PIGV: variants seen among roughly 807,000 people sequenced by gnomAD.
PIGV encodes GPI alpha-1,6-mannosyltransferase 2.
In PIGV, 27 loss-of-function variants were observed where a neutral mutation model predicts 39.2. The observed-to-expected ratio is 0.69, with a 90% CI of 0.51 to 0.95. The LOEUF (loss-of-function observed/expected upper bound fraction) is 0.95. Among genes scored for constraint, PIGV ranks in the 40% least tolerant of loss-of-function variants. PIGV has a pLI of 0.00. For synonymous variants in PIGV, 232 were observed against 241.7 expected (o/e 0.96, Z 0.37); for missense variants, 523 against 586.4 (o/e 0.89, Z 1.12).
chr1:26,788,090 A>T lies in PIGV; in HGVS notation c.-236A>T, dbSNP rs1159527504. 6.6e-6 allele frequency: 1 copy of T among 152,254 alleles called. No homozygotes were observed. The highest frequency in any genetic ancestry group is 1.5e-5 in the Non-Finnish European group (1 of 68,086). 9.4% of individuals were successfully genotyped at this position (152,254 alleles called of 1,614,324 possible). ...GGCGGGAGGGAAGCTGTCAAATGGA[A>T]GCCGGTAGAAATGAGACAGACGCCC... On this transcript the variant is annotated 5_prime_UTR_variant, in exon 1 of 4. In the 5' UTR this introduces an upstream ATG that the reference lacks. Transcript: ENST00000674202.
At position 26,799,964 on chromosome 1, in the gene PIGV, G is replaced by A. The variant is rs187381435; in HGVS notation, c.*2120G>A. 1.6e-4 allele frequency among the ~76,000 whole-genome samples: 25 copies of A among 152,126 alleles called. No homozygotes were observed. Among genetic ancestry groups the A allele is most frequent in the Non-Finnish European group, 3.2e-4 (22 of 68,020 alleles). On this transcript the variant is annotated 3_prime_UTR_variant, in exon 4 of 4. Transcript: ENST00000674202. The stretch of plus-strand genomic sequence containing the variant: ...CCGAGGTAGGAGCACTGGGTTCTTC[G>A]CTCTCCTCTTTGCCTCCTTTTGGGG...
rs1425360687 is a variant in PIGV, at chr1:26,800,267, CTCTT to C, written c.*2425_*2428del. Among the ~76,000 whole-genome samples the C allele has an allele frequency of 2.0e-5, 3 of 152,250 alleles. No homozygotes were observed. The highest frequency in any genetic ancestry group is 2.0e-4 in the Admixed American group (3 of 15,286). ...GTCCTTTTACCATCCTATTAACAGT[CTCTT>C]TAATAGTCTGGGAGAGGGACATGAA... On this transcript the variant is annotated 3_prime_UTR_variant, in exon 4 of 4. Coordinates refer to ENST00000674202, the MANE Select transcript of PIGV (RefSeq NM_017837.4).
chr1:26,790,982 C>T (rs554681340), intron 2 of PIGV, 89 bp downstream of exon 2: 1 of 1,073,580 alleles, frequency 9.3e-7, no homozygotes, highest in Non-Finnish European at 1.4e-6. Context: ...TTCCACCTCT[C>T]AGGTGTGCCC....
At chr1:26,787,181 G>A (rs1333512067), upstream of PIGV, among the ~76,000 whole-genome samples, 1 of 152,222 alleles carries the variant, frequency 6.6e-6, no homozygotes. Flanking sequence ...TTCCTTTAAG[G>A]AGGGTGCAAA....
chr1:26,795,004 C>A lies in PIGV; in HGVS notation c.970C>A (p.Gln324Lys), dbSNP rs373315999. ...CTTTTTGAAATACTATGAGCTCAAG[C>A]AGGTGCCCAATTTTCTACTGGCTGC... The part of the protein sequence containing the change: ...VGFLKYYELK[Q>K]VPNFLLAAPV... The change falls in exon 3 of 4, where the codon CAG (glutamine) becomes AAG (lysine). Residue 324 changes from glutamine (Q) to lysine (K), a missense_variant. Physicochemically the swap from Gln to Lys is moderately conservative, Grantham distance 53. Transcript: ENST00000674202. 6 of 1,614,098 alleles carry A rather than the reference C, an allele frequency of 3.7e-6. No individual in the cohort carries two copies. The highest frequency in any genetic ancestry group is 5.1e-6 in the Non-Finnish European group (6 of 1,180,042).
chr1:26,796,225 G>C (rs565253929), intron 3 of PIGV, among the ~76,000 whole-genome samples: 1 of 146,404 alleles, frequency 6.8e-6, no homozygotes, highest in African/African-American at 2.6e-5. Flanking sequence ...CTGGAATGCA[G>C]TGGCATGATC....
Position 26,799,957 on chromosome 1 carries a change from G to A in PIGV, c.*2113G>A, listed in dbSNP as rs553843857. 1.4e-4 allele frequency among the ~76,000 whole-genome samples: 21 copies of A among 152,290 alleles called. No individual in the cohort carries two copies. The highest frequency in any genetic ancestry group is 2.8e-4 in the Non-Finnish European group (19 of 68,018). On this transcript the variant is annotated 3_prime_UTR_variant, in exon 4 of 4. Transcript: ENST00000674202. ...TTTATTGCCGAGGTAGGAGCACTGG[G>A]TTCTTCGCTCTCCTCTTTGCCTCCT...
rs2081419749 is a variant in PIGV at position 26,798,795 on chromosome 1, T to TG, written c.*956dup. Reference sequence around the variant, plus strand: ...AAAAGTTAAAATAATATAAATCAGCTGGGGGAAAAAAGGGTAAGAAGAAGG... The same window carrying TG: ...AAAAGTTAAAATAATATAAATCAGCTGGGGGGAAAAAAGGGTAAGAAGAAGG... On this transcript the variant is annotated 3_prime_UTR_variant, in exon 4 of 4. Coordinates refer to ENST00000674202, the MANE Select transcript of PIGV (RefSeq NM_017837.4). Among the ~76,000 whole-genome samples, 1 of 152,124 alleles carries TG rather than the reference T, an allele frequency of 6.6e-6. No individual in the cohort carries two copies. Among genetic ancestry groups the TG allele is most frequent in the African/African-American group, 2.4e-5 (1 of 41,522 alleles).
At position 26,794,534 on chromosome 1, in the gene PIGV, G is replaced by A. The variant is rs988080025; in HGVS notation, c.500G>A (p.Gly167Asp). ...LSPANVFLAA[G>D]YSEALFALLT... ...CCTGCCAATGTCTTCCTGGCAGCTGGTTACTCAGAAGCTTTGTTTGCCCTC... is the reference window on the plus strand; with the variant it reads ...CCTGCCAATGTCTTCCTGGCAGCTGATTACTCAGAAGCTTTGTTTGCCCTC... The change falls in exon 3 of 4, where the codon GGT (glycine) becomes GAT (aspartate). Residue 167 changes from glycine (G) to aspartate (D), a missense_variant. Coordinates refer to ENST00000674202, the MANE Select transcript of PIGV (RefSeq NM_017837.4). The A allele has an allele frequency of 6.2e-7, 1 of 1,614,220 alleles. No individual in the cohort carries two copies. Among genetic ancestry groups the A allele is most frequent in the Non-Finnish European group, 8.5e-7 (1 of 1,180,040 alleles).
At chr1:26,793,604 A>G (rs2081340071) in intron 2 of PIGV, among the ~76,000 whole-genome samples, 1 of 152,070 alleles carries the variant, frequency 6.6e-6, no homozygotes, top group South Asian at 2.1e-4. Context: ...CCTCAAGAAG[A>G]GTTCTAAGTG....
upstream of PIGV, chr1:26,787,521 T>C (rs71636779): frequency 0.058 from 8,761 of 152,306 alleles, 324 homozygotes; most frequent in Non-Finnish European, 0.08. Context: ...CCCAAGAATG[T>C]TTTTCTTTGG....
In PIGV at chr1:26,795,189, C is replaced by A. The variant is rs200817594; in HGVS notation, c.1155C>A (p.His385Gln). Residue 385 changes from histidine (H) to glutamine (Q), a missense_variant, in exon 3 of 4, where the codon CAC (histidine) becomes CAA (glutamine). By Grantham distance (24) the His-to-Gln change is conservative. Coordinates refer to ENST00000674202, the MANE Select transcript of PIGV (RefSeq NM_017837.4). ...LSPQVFVYVVHAAVLLLFGGL... is the reference protein window; with the variant it reads ...LSPQVFVYVVQAAVLLLFGGL... Reference sequence around the variant, plus strand: ...CTCAGGTGTTTGTGTACGTGGTCCACGCTGCAGTGCTGCTGCTGTTTGGAG... The same window carrying A: ...CTCAGGTGTTTGTGTACGTGGTCCAAGCTGCAGTGCTGCTGCTGTTTGGAG... 11 of 1,613,938 alleles carry A rather than the reference C, an allele frequency of 6.8e-6. No homozygotes were observed. In the East Asian group the frequency reaches 2.5e-4, roughly 36 times the overall value.
In PIGV at chr1:26,797,751, C is replaced by T; in HGVS notation, c.1389C>T (p.Thr463=). The change falls in exon 4 of 4, where the codon ACC becomes ACT. Residue 463 remains threonine, a synonymous_variant. Coordinates refer to ENST00000674202, the MANE Select transcript of PIGV (RefSeq NM_017837.4). ...PIMGLLYHWK[T]CSPVTRYILG... ...TGGGACTTTTGTATCACTGGAAAAC[C>T]TGTTCTCCAGTCACACGATACATTC... The T allele has an allele frequency of 6.2e-7, 1 of 1,613,488 alleles. No individual in the cohort carries two copies. Among genetic ancestry groups the T allele is most frequent in the Non-Finnish European group, 8.5e-7 (1 of 1,179,394 alleles).
Position 26,799,814 on chromosome 1 carries a change from CT to C in PIGV, c.*1971del, listed in dbSNP as rs1261290546. On this transcript the variant is annotated 3_prime_UTR_variant, in exon 4 of 4. Coordinates refer to ENST00000674202, the MANE Select transcript of PIGV (RefSeq NM_017837.4). Reference sequence around the variant, plus strand: ...CCTTCTTGGCAAACGATGATCACCCCTGCCCTAGTGTCCCTCCAGTTAGTTG... The same window carrying C: ...CCTTCTTGGCAAACGATGATCACCCCGCCCTAGTGTCCCTCCAGTTAGTTG... Among the ~76,000 whole-genome samples the C allele has an allele frequency of 6.6e-6, 1 of 152,244 alleles. No homozygotes were observed. The highest frequency in any genetic ancestry group is 1.5e-5 in the Non-Finnish European group (1 of 68,056).
chr1:26,794,451 T>C lies in PIGV; in HGVS notation c.417T>C (p.Cys139=), dbSNP rs199881077. ...LAAVALHDLG[C]LVLHCPHQSF... ...CAGTTGCACTTCATGACCTGGGTTG[T>C]CTGGTTTTGCACTGTCCCCACCAGT... Residue 139 remains cysteine, a synonymous_variant, in exon 3 of 4, where the codon TGT becomes TGC. Transcript: ENST00000674202. The C allele has an allele frequency of 6.2e-7, 1 of 1,614,260 alleles. No homozygotes were observed. Among genetic ancestry groups the C allele is most frequent in the Non-Finnish European group, 8.5e-7 (1 of 1,180,046 alleles).
chr1:26,790,530 G>A (rs1453825374), intron 1 of PIGV, among the ~76,000 whole-genome samples: 6 of 152,216 alleles, frequency 3.9e-5, no homozygotes, highest in Non-Finnish European at 7.3e-5. Context: ...TGTGACCTTA[G>A]CTTTCCAGCT....
chr1:26,794,433 A>G lies in PIGV; in HGVS notation c.399A>G (p.Ala133=). ...NFLFFMLAAV[A]LHDLGCLVLH... ...TGTTCTTCATGTTGGCTGCAGTTGC[A>G]CTTCATGACCTGGGTTGTCTGGTTT... The change falls in exon 3 of 4, where the codon GCA becomes GCG. Residue 133 remains alanine (A), a synonymous_variant. Coordinates refer to ENST00000674202, the MANE Select transcript of PIGV (RefSeq NM_017837.4). 1.2e-6 allele frequency: 2 copies of G among 1,614,212 alleles called. No individual in the cohort carries two copies. The highest frequency in any genetic ancestry group is 1.1e-5 in the South Asian group (1 of 91,086).
chr1:26,789,340 G>A (rs2081281763), intron 1 of PIGV, among the ~76,000 whole-genome samples: 1 of 152,200 alleles, frequency 6.6e-6, no homozygotes, highest in Non-Finnish European at 1.5e-5. Context: ...AGCAGCAGGC[G>A]CCCCCTTGTG....
intron 2 of PIGV, among the ~76,000 whole-genome samples, chr1:26,792,473 G>A (rs935610934): frequency 6.6e-6 from 1 of 152,036 alleles, no homozygotes; most frequent in African/African-American, 2.4e-5. Flanking sequence ...GACTACAGGC[G>A]CCCGCCACCG....
Sources: allele counts gnomAD v4.1 joint callset (sites outside exome capture counted in the v4.1 genomes callset), GRCh38; gene constraint gnomAD v4.1.1; transcripts MANE v1.5; gene names NCBI Gene and HGNC (gene_info 2026-07-23, HGNC 2026-07-21).